MAP3K7CL: variants seen among roughly 807,000 people sequenced by gnomAD.
The protein encoded by MAP3K7CL is MAP3K7 C-terminal-like protein.
In MAP3K7CL, 16 loss-of-function variants were observed where a neutral mutation model predicts 18.6. The ratio of observed to expected loss-of-function variants is 0.86; its 90% confidence interval spans 0.58 to 1.31. The LOEUF (loss-of-function observed/expected upper bound fraction) is 1.31. MAP3K7CL is among the 50% of genes most tolerant of loss of function. MAP3K7CL has a pLI of 0.00. For missense variants in MAP3K7CL, 163 were observed against 174.4 expected, an observed-to-expected ratio of 0.93 and a Z score of 0.37; for synonymous variants, 65 against 66.8, an observed-to-expected ratio of 0.97 and a Z score of 0.13.
intron 1 of MAP3K7CL, chr21:29,091,370 A>C: frequency 1.8e-6 from 1 of 540,814 alleles, no homozygotes; most frequent in Non-Finnish European, 3.2e-6. Context: ...GTTTTTAGCC[A>C]GTTGATTTTT....
In MAP3K7CL at chr21:29,169,576, T is replaced by G. The variant is rs146801047; in HGVS notation, c.249-5136T>G. On this transcript the variant is annotated intron_variant, in intron 4 of 4. Transcript: ENST00000399928. ...TTATTATATTATTTCCCCAAATTCT[T>G]TAGCTCACTGGGGCCAAACTGTCTA... Among the ~76,000 whole-genome samples, 222 of 152,296 alleles carry G rather than the reference T, an allele frequency of 1.5e-3. 1 individual carries two copies. The highest frequency in any genetic ancestry group is 4.9e-3 in the African/African-American group (204 of 41,544).
At chr21:29,109,320 A>C in intron 4 of MAP3K7CL, 1 of 1,432,150 alleles carries the variant, frequency 7.0e-7, no homozygotes, top group African/African-American at 1.4e-5. Flanking sequence ...CATGATCACT[A>C]TTCCTTCTAG....
At chr21:29,098,035 A>G (rs540868448) in intron 4 of MAP3K7CL, among the ~76,000 whole-genome samples, 1 of 152,208 alleles carries the variant, frequency 6.6e-6, no homozygotes, top group Non-Finnish European at 1.5e-5. Context: ...ATAATTAAAT[A>G]AAATAAAAAA....
At chr21:29,159,570 C>T (rs1046016717) in intron 3 of MAP3K7CL, among the ~76,000 whole-genome samples, 1 of 152,148 alleles carries the variant, frequency 6.6e-6, no homozygotes, top group Non-Finnish European at 1.5e-5. Flanking sequence ...AACTATTTCC[C>T]CACCACTGCT....
intron 4 of MAP3K7CL, among the ~76,000 whole-genome samples, chr21:29,104,592 A>G (rs1402791478): frequency 6.6e-6 from 1 of 152,180 alleles, no homozygotes; most frequent in Non-Finnish European, 1.5e-5. Flanking sequence ...GCTTGTCTGG[A>G]TTAGAAAAGT....
chr21:29,154,287 A>T (rs2087346841), intron 3 of MAP3K7CL, among the ~76,000 whole-genome samples: 1 of 152,232 alleles, frequency 6.6e-6, no homozygotes, highest in South Asian at 2.1e-4. Flanking sequence ...ATTTTTATTC[A>T]TGTAAAATGA....
chr21:29,152,620 C>A (rs958509136), intron 3 of MAP3K7CL, among the ~76,000 whole-genome samples: 1 of 152,182 alleles, frequency 6.6e-6, no homozygotes, highest in African/African-American at 2.4e-5. Flanking sequence ...TAGGTATTGT[C>A]AGCCCCGTTC....
upstream of MAP3K7CL, among the ~76,000 whole-genome samples, chr21:29,082,067 C>G (rs190993603): frequency 2.0e-5 from 3 of 152,216 alleles, no homozygotes; most frequent in African/African-American, 7.2e-5. Context: ...GTTTTGACTA[C>G]TTTGTTTCTT....
intron 2 of MAP3K7CL, among the ~76,000 whole-genome samples, chr21:29,136,721 T>C (rs1285968779): frequency 6.6e-6 from 1 of 151,930 alleles, no homozygotes; most frequent in South Asian, 2.1e-4. Flanking sequence ...GGGTTTCACC[T>C]TGTTGGCCAG....
rs1193394740 is a variant in MAP3K7CL at position 29,119,329 on chromosome 21, T to G, written c.370+26748T>G. Among the ~76,000 whole-genome samples the G allele has an allele frequency of 2.0e-5, 3 of 152,262 alleles. No individual in the cohort carries two copies. The South Asian group carries it at 6.2e-4, about 31-fold the overall frequency. ...TTTGTTTGCTTGCCTTTTTATTCCA[T>G]GTACTCATCACTAATTCAACCCTAA... On this transcript the variant is annotated intron_variant, in intron 4 of 6. Coordinates refer to the MAP3K7CL transcript ENST00000286791.
chr21:29,134,185 C>T lies in MAP3K7CL; in HGVS notation c.70+771C>T, dbSNP rs191601242. ...TGGGTCTTTTGAGGACTCTCTCTCT[C>T]TCTCTTGCTATAATGCCCATGTAGG... On this transcript the variant is annotated intron_variant, in intron 2 of 4. Transcript: ENST00000399928. 5.7e-4 allele frequency among the ~76,000 whole-genome samples: 86 copies of T among 152,198 alleles called. 1 individual carries two copies. The highest frequency in any genetic ancestry group is 1.9e-3 in the African/African-American group (79 of 41,524).
At position 29,174,692 on chromosome 21, in the gene MAP3K7CL, C is replaced by T. The variant is rs1480012005; in HGVS notation, c.249-20C>T. The T allele has an allele frequency of 6.2e-7, 1 of 1,613,330 alleles. No homozygotes were observed. Among genetic ancestry groups the T allele is most frequent in the East Asian group, 2.2e-5 (1 of 44,880 alleles). On this transcript the variant is annotated intron_variant, in intron 4 of 4. Transcript: ENST00000399928. ...CATTGAATTCTGTGCTTCTTCCTGC[C>T]CTTTACCCCGAATCTTCAGGAAGGA...
At chr21:29,134,185 C>G (rs191601242) in intron 2 of MAP3K7CL, among the ~76,000 whole-genome samples, 1 of 152,080 alleles carries the variant, frequency 6.6e-6, no homozygotes, top group Non-Finnish European at 1.5e-5. Flanking sequence ...CTCTCTCTCT[C>G]TCTCTTGCTA....
chr21:29,161,385 A>G (rs781466613), intron 4 of MAP3K7CL, among the ~76,000 whole-genome samples: 37 of 152,160 alleles, frequency 2.4e-4, no homozygotes, highest in Non-Finnish European at 3.5e-4. Context: ...TCTGACCTCA[A>G]GCAATCCTCC....
intron 4 of MAP3K7CL, among the ~76,000 whole-genome samples, chr21:29,098,718 G>A (rs2086166977): frequency 6.6e-6 from 1 of 152,180 alleles, no homozygotes; most frequent in South Asian, 2.1e-4. Flanking sequence ...TTGAAGAAAT[G>A]AATGGATGAT....
chr21:29,151,610 A>G (rs917190326), intron 3 of MAP3K7CL, among the ~76,000 whole-genome samples: 37 of 152,234 alleles, frequency 2.4e-4, no homozygotes, highest in African/African-American at 8.9e-4. Flanking sequence ...CACGGAAATC[A>G]GGTGAAAATA....
At chr21:29,149,141 A>G (rs1246105060) in intron 2 of MAP3K7CL, 48 bp from the exon 3 acceptor site, 1 of 1,544,154 alleles carries the variant, frequency 6.5e-7, no homozygotes, top group South Asian at 1.1e-5. Flanking sequence ...AAGGACTCCT[A>G]CAAGAAAGAG....
In MAP3K7CL at chr21:29,133,397, G is replaced by A. The variant is rs1053489715; in HGVS notation, c.53G>A (p.Ser18Asn). ...GACAAGCCTGTACGCATCGCCTTTA[G>A]CCTCAATGACGCCTCAGGTATACTC... ...PADKPVRIAFSLNDASDDTPP... is the reference protein window; with the variant it reads ...PADKPVRIAFNLNDASDDTPP... The change falls in exon 2 of 5, where the codon AGC becomes AAC. Residue 18 changes from serine to asparagine, a missense_variant. Physicochemically the swap from Ser to Asn is conservative, Grantham distance 46. Coordinates refer to ENST00000399928, the MANE Select transcript of MAP3K7CL (RefSeq NM_001286620.2). 6 of 1,548,952 alleles carry A rather than the reference G, an allele frequency of 3.9e-6. No homozygotes were observed. The highest frequency in any genetic ancestry group is 5.2e-6 in the Non-Finnish European group (6 of 1,145,906).
At chr21:29,157,335 A>T (rs1415189299) in intron 3 of MAP3K7CL, among the ~76,000 whole-genome samples, 1 of 152,218 alleles carries the variant, frequency 6.6e-6, no homozygotes, top group African/African-American at 2.4e-5. Flanking sequence ...TTGGTGGGTT[A>T]TGCAATATAA....
Sources: gnomAD v4.1 joint callset for allele counts (sites outside exome capture counted in the v4.1 genomes callset) on GRCh38, gnomAD v4.1.1 for gene constraint, MANE v1.5 for transcripts, NCBI Gene and HGNC (gene_info 2026-07-23, HGNC 2026-07-21) for gene names.